Variants in SLC25A13 observed in about 807,000 individuals in gnomAD.
SLC25A13 encodes the protein electrogenic aspartate/glutamate antiporter SLC25A13, mitochondrial.
In SLC25A13, 70 loss-of-function variants were observed where a neutral mutation model predicts 85.5. The ratio of observed to expected loss-of-function variants is 0.82; its 90% CI spans 0.68 to 1.00. The LOEUF is 1.00. Ranked by LOEUF, SLC25A13 falls within the 50% of genes least tolerant of loss-of-function variation. The pLI is 0.00. For missense variants in SLC25A13, 765 were observed against 819.8 expected (o/e 0.93, Z 0.82); for synonymous variants, 259 against 288.7 (o/e 0.90, Z 1.04).
chr7:96,284,377 T>A (rs1294256276), intron 2 of SLC25A13, among the ~76,000 whole-genome samples: 88 of 152,166 alleles, frequency 5.8e-4, no homozygotes, highest in Non-Finnish European at 2.9e-5. Flanking sequence ...AAAAACAGAA[T>A]TAACTGTTTT....
chr7:96,155,260 G>A (rs1039944971), intron 13 of SLC25A13, among the ~76,000 whole-genome samples: 1 of 152,192 alleles, frequency 6.6e-6, no homozygotes, highest in African/African-American at 2.4e-5. Flanking sequence ...GCTGGTATGA[G>A]ACTTCTCTCT....
At chr7:96,184,636 T>C in intron 10 of SLC25A13, 1 of 647,248 alleles carries the variant, frequency 1.5e-6, no homozygotes, top group Non-Finnish European at 2.6e-6. Flanking sequence ...TAAAAGGATG[T>C]CATAGATATT....
intron 3 of SLC25A13, among the ~76,000 whole-genome samples, chr7:96,246,242 C>T (rs1797184636): frequency 1.3e-5 from 2 of 152,188 alleles, no homozygotes; most frequent in South Asian, 4.1e-4. Context: ...GTACCGAAGG[C>T]ACAGCCCAAG....
chr7:96,219,565 T>G (rs934374863), intron 4 of SLC25A13: 1 of 403,692 alleles, frequency 2.5e-6, no homozygotes, highest in African/African-American at 2.1e-5. Context: ...AAGAAAGCCA[T>G]AAACTATACT....
At chr7:96,225,955 A>G (rs1262849183) in intron 4 of SLC25A13, among the ~76,000 whole-genome samples, 1 of 150,816 alleles carries the variant, frequency 6.6e-6, no homozygotes, top group African/African-American at 2.4e-5. Context: ...CCCCTCCTCC[A>G]TCCCCATATC....
chr7:96,237,505 CT>C (rs934013982), intron 3 of SLC25A13, among the ~76,000 whole-genome samples: 1 of 152,026 alleles, frequency 6.6e-6, no homozygotes, highest in South Asian at 2.1e-4. Context: ...AGAATCTTGA[CT>C]TTTTTTTCAG....
At chr7:96,269,226 C>G (rs1362152156) in intron 3 of SLC25A13, among the ~76,000 whole-genome samples, 1 of 152,158 alleles carries the variant, frequency 6.6e-6, no homozygotes, top group African/African-American at 2.4e-5. Flanking sequence ...GAAGCTCCAA[C>G]ATGGAAGGCT....
chr7:96,302,333 G>A (rs2117006866), intron 1 of SLC25A13, among the ~76,000 whole-genome samples: 1 of 152,254 alleles, frequency 6.6e-6, no homozygotes, highest in South Asian at 2.1e-4. Flanking sequence ...GGGGTCACCA[G>A]AAAATTCCTA....
chr7:96,131,729 T>A lies in SLC25A13; in HGVS notation c.1591+14A>T. The A allele has an allele frequency of 6.2e-7, 1 of 1,613,756 alleles. No individual in the cohort carries two copies. The highest frequency in any genetic ancestry group is 8.5e-7 in the Non-Finnish European group (1 of 1,179,864). On this transcript the variant is annotated intron_variant, in intron 15 of 17. Transcript: ENST00000265631. ...GGGTCAGGGAAGTAAGAGAACTCCA[T>A]GGGGGACACTCACCAGCTATGGCAC...
At chr7:96,191,377 AT>A (rs1794844721) in intron 6 of SLC25A13, 130 bp from the exon 7 acceptor site, 2 of 1,004,590 alleles carry the variant, frequency 2.0e-6, no homozygotes, top group Non-Finnish European at 2.9e-6. Flanking sequence ...GACTATAAGT[AT>A]TTTTCTTTTG....
At chr7:96,126,092 T>A (rs1187884217) in intron 15 of SLC25A13, among the ~76,000 whole-genome samples, 1 of 152,134 alleles carries the variant, frequency 6.6e-6, no homozygotes, top group Non-Finnish European at 1.5e-5. Context: ...TGATTAGTAT[T>A]ATATACAAAT....
chr7:96,241,037 G>GGAAAGAAA (rs200466951), intron 3 of SLC25A13, among the ~76,000 whole-genome samples: 2,418 of 80,646 alleles, frequency 0.03, 111 homozygotes, highest in East Asian at 0.05. Context: ...AAGAAAGAAA[G>GGAAAGAAA]GAAAGAAAGA....
At chr7:96,224,883 C>G (rs1041693410) in intron 4 of SLC25A13, among the ~76,000 whole-genome samples, 10 of 152,144 alleles carry the variant, frequency 6.6e-5, no homozygotes, top group African/African-American at 2.2e-4. Flanking sequence ...GGCAGTGTGG[C>G]ACAGTGAAGA....
chr7:96,220,322 G>C (rs557135842), intron 4 of SLC25A13, among the ~76,000 whole-genome samples: 9 of 152,256 alleles, frequency 5.9e-5, no homozygotes, highest in African/African-American at 1.9e-4. Flanking sequence ...AATGCTTCAA[G>C]AGCAGATGTA....
intron 3 of SLC25A13, among the ~76,000 whole-genome samples, chr7:96,268,935 C>T (rs1438027332): frequency 6.6e-6 from 1 of 152,212 alleles, no homozygotes; most frequent in East Asian, 1.9e-4. Context: ...TCAGATGTCA[C>T]TCATGGAAAG....
Position 96,258,604 on chromosome 7 carries a change from A to AG in SLC25A13, c.212+18591dup, listed in dbSNP as rs1260322300. On this transcript the variant is annotated intron_variant, in intron 3 of 17. Transcript: ENST00000265631. ...GGAAAAACATTCCATGCCCATGGATAGGAAGAATCAATATCGTGAAAATGG... is the reference window on the plus strand; with the variant it reads ...GGAAAAACATTCCATGCCCATGGATAGGGAAGAATCAATATCGTGAAAATGG... 2.6e-5 allele frequency among the ~76,000 whole-genome samples: 4 copies of AG among 152,266 alleles called. No homozygotes were observed. In the South Asian group the frequency reaches 8.3e-4, roughly 31 times the overall value.
intron 3 of SLC25A13, among the ~76,000 whole-genome samples, chr7:96,274,404 A>G (rs1798365120): frequency 6.6e-6 from 1 of 152,100 alleles, no homozygotes; most frequent in Non-Finnish European, 1.5e-5. Context: ...GATTCTGGAT[A>G]TTAGCCCTTT....
chr7:96,175,731 T>C (rs1794194158), intron 11 of SLC25A13, among the ~76,000 whole-genome samples: 1 of 152,056 alleles, frequency 6.6e-6, no homozygotes. Flanking sequence ...GTTCAAAAAG[T>C]AAAAAGTTCT....
intron 2 of SLC25A13, among the ~76,000 whole-genome samples, chr7:96,281,316 G>T (rs560128837): frequency 1.3e-5 from 2 of 151,160 alleles, no homozygotes; most frequent in African/African-American, 4.9e-5. Flanking sequence ...GCTTGAACCC[G>T]GGAGGCAGAA....
Sources: gnomAD v4.1 joint callset for allele counts (sites outside exome capture counted in the v4.1 genomes callset) on GRCh38, gnomAD v4.1.1 for gene constraint, MANE v1.5 for transcripts, NCBI Gene and HGNC (gene_info 2026-07-23, HGNC 2026-07-21) for gene names.